CMSS1: variants seen among roughly 807,000 people sequenced by gnomAD.
CMSS1 encodes the protein cms1 ribosomal small subunit homolog, also known as protein CMSS1.
CMSS1 carries 33 observed loss-of-function variants against 43.5 expected under a neutral mutation model. The ratio of observed to expected loss-of-function variants is 0.76; its 90% CI spans 0.57 to 1.01. CMSS1 has a LOEUF of 1.01. Among genes scored for constraint, CMSS1 ranks in the 50% least tolerant of loss-of-function variants. CMSS1 has a pLI of 0.00. For synonymous variants in CMSS1, 115 were observed against 117.2 expected (o/e 0.98, Z 0.12); for missense variants, 313 against 326.4 (o/e 0.96, Z 0.32).
intron 1 of CMSS1, among the ~76,000 whole-genome samples, chr3:99,917,914 G>A (rs928899839): frequency 6.6e-6 from 1 of 152,088 alleles, no homozygotes; most frequent in African/African-American, 2.4e-5. Context: ...AAATTTTTAG[G>A]TGTGAAAGAG....
At position 100,176,400 on chromosome 3, in the gene CMSS1, G is replaced by A. The variant is rs756587102; in HGVS notation, c.741G>A (p.Met247Ile). The part of the protein sequence containing the change: ...WNWRDQKLRR[M>I]MDIPEIRKEV... ...GGAGAGATCAGAAGTTGAGGAGAATGATGGACATTCCCGAGGTACCACGTA... is the reference window on the plus strand; with the variant it reads ...GGAGAGATCAGAAGTTGAGGAGAATAATGGACATTCCCGAGGTACCACGTA... The change falls in exon 9 of 10, where the codon ATG becomes ATA. Residue 247 changes from methionine to isoleucine, a missense_variant. Met to Ile is a conservative substitution (Grantham distance 10, BLOSUM62 1). Coordinates refer to ENST00000421999, the MANE Select transcript of CMSS1 (RefSeq NM_032359.4). 2.5e-6 allele frequency: 4 copies of A among 1,612,540 alleles called. No homozygotes were observed. The East Asian group carries it at 6.7e-5, about 27-fold the overall frequency.
At chr3:99,907,106 A>G (rs181399886) in intron 1 of CMSS1, among the ~76,000 whole-genome samples, 1 of 152,362 alleles carries the variant, frequency 6.6e-6, no homozygotes. Context: ...CAACAAATAC[A>G]CAGAGTTGGT....
intron 1 of CMSS1, among the ~76,000 whole-genome samples, chr3:100,130,075 C>A (rs2066694086): frequency 6.6e-6 from 1 of 152,132 alleles, no homozygotes; most frequent in Admixed American, 6.5e-5. Context: ...TTTCTTTAAG[C>A]AAATAAATTT....
chr3:99,958,959 G>T (rs767780133), intron 1 of CMSS1, among the ~76,000 whole-genome samples: 1 of 152,062 alleles, frequency 6.6e-6, no homozygotes, highest in Admixed American at 6.5e-5. Flanking sequence ...TATACCACTG[G>T]ATTCTTGTGT....
rs9862370 is a variant in CMSS1, at chr3:99,858,152, A to T, written c.64+40109A>T. Reference sequence around the variant, plus strand: ...TATCTATCTCTTTACTGTATTAGAAATTCAAACTAAGATTTTAAAAATACT... The same window carrying T: ...TATCTATCTCTTTACTGTATTAGAATTTCAAACTAAGATTTTAAAAATACT... On this transcript the variant is annotated intron_variant, in intron 1 of 9. Transcript: ENST00000421999. Among the ~76,000 whole-genome samples, 763 of 152,282 alleles carry T rather than the reference A, an allele frequency of 5.0e-3. 6 individuals are homozygous for T. The highest frequency in any genetic ancestry group is 0.017 in the African/African-American group (720 of 41,568).
chr3:99,906,145 G>A (rs1436665140), intron 1 of CMSS1, among the ~76,000 whole-genome samples: 2 of 152,182 alleles, frequency 1.3e-5, no homozygotes, highest in African/African-American at 4.8e-5. Context: ...AGTGAGCGGA[G>A]ATCGCACCAC....
At chr3:100,157,800 C>G (rs138882741) in intron 2 of CMSS1, among the ~76,000 whole-genome samples, 1 of 152,212 alleles carries the variant, frequency 6.6e-6, no homozygotes, top group Non-Finnish European at 1.5e-5. Flanking sequence ...GCTTGGCTAC[C>G]AGGGTAGGAG....
At chr3:99,848,222 G>A (rs1441105702) in intron 1 of CMSS1, 1 of 1,579,168 alleles carries the variant, frequency 6.3e-7, no homozygotes, top group South Asian at 1.2e-5. Flanking sequence ...ATTAAAAAAG[G>A]ATTGAGTTCC....
At chr3:99,921,697 AATCCTATAAAGGAAACTTTAT>A (rs1707128696) in intron 1 of CMSS1, among the ~76,000 whole-genome samples, 1 of 152,240 alleles carries the variant, frequency 6.6e-6, no homozygotes, top group South Asian at 2.1e-4. Flanking sequence ...CAAGGTAAAG[AATCCTATAAAGGAAACTTTAT>A]ATCCTATAAA....
chr3:99,866,242 T>C (rs1475769183), intron 1 of CMSS1, among the ~76,000 whole-genome samples: 1 of 152,144 alleles, frequency 6.6e-6, no homozygotes, highest in Non-Finnish European at 1.5e-5. Flanking sequence ...TCACCACATT[T>C]AATAAAAAGC....
intron 1 of CMSS1, among the ~76,000 whole-genome samples, chr3:99,829,728 C>T (rs936135710): frequency 2.0e-5 from 3 of 152,098 alleles, no homozygotes; most frequent in African/African-American, 7.2e-5. Context: ...TTTCAAGCAC[C>T]TGGAATATTG....
intron 1 of CMSS1, among the ~76,000 whole-genome samples, chr3:100,056,370 C>G (rs953551930): frequency 6.6e-6 from 1 of 152,134 alleles, no homozygotes; most frequent in African/African-American, 2.4e-5. Context: ...CTATGGGAGG[C>G]TTTTTAGAAA....
intron 1 of CMSS1, among the ~76,000 whole-genome samples, chr3:99,863,587 G>A (rs1287130559): frequency 6.6e-6 from 1 of 152,092 alleles, no homozygotes; most frequent in Non-Finnish European, 1.5e-5. Context: ...TAGGTCATTT[G>A]GGGTTTTCAT....
At chr3:100,075,353 C>G (rs972388265) in intron 1 of CMSS1, among the ~76,000 whole-genome samples, 1 of 152,196 alleles carries the variant, frequency 6.6e-6, no homozygotes, top group Non-Finnish European at 1.5e-5. Context: ...TTCTCATCCT[C>G]GTGTCCTTTA....
intron 1 of CMSS1, among the ~76,000 whole-genome samples, chr3:100,093,483 A>T (rs1307355458): frequency 6.6e-6 from 1 of 152,212 alleles, no homozygotes; most frequent in Admixed American, 6.5e-5. Flanking sequence ...TTTTTTAAGT[A>T]AACTTTTTAC....
chr3:99,930,713 AT>A, intron 1 of CMSS1: 1 of 1,590,430 alleles, frequency 6.3e-7, no homozygotes, highest in Admixed American at 1.7e-5. Flanking sequence ...GGAACACCAA[AT>A]TCACAAGCAG....
At chr3:100,043,309 G>A (rs1011733103) in intron 1 of CMSS1, among the ~76,000 whole-genome samples, 16 of 152,162 alleles carry the variant, frequency 1.1e-4, no homozygotes, top group African/African-American at 3.9e-4. Context: ...CCCTTTGAAA[G>A]ATTATATTTT....
At chr3:100,065,587 C>T (rs2065649702) in intron 1 of CMSS1, among the ~76,000 whole-genome samples, 1 of 152,188 alleles carries the variant, frequency 6.6e-6, no homozygotes, top group African/African-American at 2.4e-5. Flanking sequence ...TCATCTTACT[C>T]TTTCTTCCTA....
At chr3:99,924,433 T>G in intron 1 of CMSS1, 1 of 1,604,824 alleles carries the variant, frequency 6.2e-7, no homozygotes, top group Middle Eastern at 1.7e-4. Flanking sequence ...ATTTATAGCC[T>G]GTTACCAAAT....
Sources: allele counts gnomAD v4.1 joint callset (sites outside exome capture counted in the v4.1 genomes callset), GRCh38; gene constraint gnomAD v4.1.1; transcripts MANE v1.5; gene names NCBI Gene and HGNC (gene_info 2026-07-23, HGNC 2026-07-21).